GAREM1: variants seen among roughly 807,000 people sequenced by gnomAD.
The protein encoded by GAREM1 is GRB2 associated regulator of MAPK1 subtype 1.
Under a neutral mutation model 71.3 loss-of-function variants are expected in GAREM1, and 26 were observed. The ratio of observed to expected loss-of-function variants is 0.36; its 90% CI spans 0.27 to 0.51. The LOEUF is 0.51. GAREM1 is among the 20% of genes least tolerant of loss of function. The pLI is 0.95. For synonymous variants in GAREM1, 440 were observed against 433.2 expected (o/e 1.02, Z -0.20); for missense variants, 1,026 against 1,103.1 (o/e 0.93, Z 0.99).
At chr18:32,398,310 A>C (rs966339926) in intron 1 of GAREM1, among the ~76,000 whole-genome samples, 3 of 152,214 alleles carry the variant, frequency 2.0e-5, no homozygotes, top group African/African-American at 7.2e-5. Context: ...GAAATAACTA[A>C]GATCAGAACA....
chr18:32,385,551 A>G (rs2048138544), intron 2 of GAREM1, among the ~76,000 whole-genome samples: 1 of 152,130 alleles, frequency 6.6e-6, no homozygotes, highest in African/African-American at 2.4e-5. Flanking sequence ...GATGACTTGT[A>G]AATCTGAAAA....
At chr18:32,330,014 C>A (rs1237349273) in intron 2 of GAREM1, among the ~76,000 whole-genome samples, 1 of 151,914 alleles carries the variant, frequency 6.6e-6, no homozygotes, top group Non-Finnish European at 1.5e-5. Context: ...AGATTTTTGA[C>A]AAAAAGAAAA....
intron 1 of GAREM1, among the ~76,000 whole-genome samples, chr18:32,430,849 C>A (rs1419580584): frequency 1.3e-5 from 2 of 152,110 alleles, no homozygotes; most frequent in African/African-American, 4.8e-5. Context: ...GCCACTTGGC[C>A]CTGTAAATGC....
intron 2 of GAREM1, among the ~76,000 whole-genome samples, chr18:32,331,261 C>T (rs371515699): frequency 6.6e-6 from 1 of 152,300 alleles, no homozygotes; most frequent in South Asian, 2.1e-4. Flanking sequence ...GGGAACCTCA[C>T]AACTGGTGTC....
intron 1 of GAREM1, among the ~76,000 whole-genome samples, chr18:32,439,021 T>C (rs1365119226): frequency 6.6e-6 from 1 of 152,158 alleles, no homozygotes; most frequent in Non-Finnish European, 1.5e-5. Context: ...GGGCGTGGTA[T>C]ATACTGATCC....
intron 3 of GAREM1, among the ~76,000 whole-genome samples, chr18:32,289,000 T>C (rs529309774): frequency 1.6e-4 from 25 of 152,348 alleles, no homozygotes; most frequent in Admixed American, 7.8e-4. Context: ...CAATGAACTT[T>C]TTTACAGCTC....
chr18:32,290,655 A>G (rs2047072328), intron 3 of GAREM1, among the ~76,000 whole-genome samples: 3 of 151,522 alleles, frequency 2.0e-5, no homozygotes, highest in East Asian at 1.9e-4. Flanking sequence ...AAAAAAAAAA[A>G]AAAAAGAAAA....
At chr18:32,423,256 T>G (rs1373875881) in intron 1 of GAREM1, among the ~76,000 whole-genome samples, 1 of 152,196 alleles carries the variant, frequency 6.6e-6, no homozygotes, top group Non-Finnish European at 1.5e-5. Flanking sequence ...GAAACTGTTA[T>G]GAGGATTAAA....
chr18:32,448,892 A>G (rs1387794869), intron 1 of GAREM1, among the ~76,000 whole-genome samples: 1 of 152,126 alleles, frequency 6.6e-6, no homozygotes, highest in African/African-American at 2.4e-5. Context: ...CAGGGCCCTC[A>G]TGGTTCTTTT....
Position 32,288,053 on chromosome 18 carries a change from C to T in GAREM1, c.544G>A (p.Gly182Arg), listed in dbSNP as rs1213043436. 1 of 1,614,064 alleles carries T rather than the reference C, an allele frequency of 6.2e-7. No homozygotes were observed. Among genetic ancestry groups the T allele is most frequent in the African/African-American group, 1.3e-5 (1 of 74,988 alleles). ...SRLNTIFKKI[G>R]KLNSISKLGK... Reference sequence around the variant, plus strand: ...AGCTTGCTGATGGAATTGAGCTTCCCAATCTTTTTGAAGATTGTGTTGAGT... The same window carrying T: ...AGCTTGCTGATGGAATTGAGCTTCCTAATCTTTTTGAAGATTGTGTTGAGT... The change falls in exon 4 of 6, where the codon GGG becomes AGG. Residue 182 changes from glycine (G) to arginine (R), a missense_variant. Around this residue, in one of 3 missense-constraint regions of GAREM1, gnomAD observed 218 missense variants for 296.8 expected, o/e 0.73. Transcript: ENST00000269209.
chr18:32,396,983 G>A (rs1567994540), intron 1 of GAREM1, among the ~76,000 whole-genome samples: 1 of 152,202 alleles, frequency 6.6e-6, no homozygotes, highest in African/African-American at 2.4e-5. Context: ...CAAGCCAGAA[G>A]AGAGTGGGGG....
Position 32,305,976 on chromosome 18 carries a change from GA to G in GAREM1, c.393+4216del, listed in dbSNP as rs546465723. Among the ~76,000 whole-genome samples the G allele has an allele frequency of 2.0e-5, 3 of 152,254 alleles. No homozygotes were observed. The South Asian group carries it at 6.2e-4, about 32-fold the overall frequency. ...ACTCTATACCTGCATCGAGGGAGCC[GA>G]AAATGGCTGGAAGAAAGGGTAGTGC... On this transcript the variant is annotated intron_variant, in intron 3 of 5. Transcript: ENST00000269209.
intron 2 of GAREM1, among the ~76,000 whole-genome samples, chr18:32,342,866 T>TCTAG (rs2047660454): frequency 6.6e-6 from 1 of 152,230 alleles, no homozygotes; most frequent in South Asian, 2.1e-4. Context: ...ACCGACCCAC[T>TCTAG]CTAGCCACAG....
At position 32,302,441 on chromosome 18, in the gene GAREM1, C is replaced by T. The variant is rs77559552; in HGVS notation, c.393+7752G>A. Among the ~76,000 whole-genome samples, 292 of 152,254 alleles carry T rather than the reference C, an allele frequency of 1.9e-3. 10 individuals are homozygous for T. In the East Asian group the frequency reaches 0.045, roughly 24 times the overall value. On this transcript the variant is annotated intron_variant, in intron 3 of 5. Coordinates refer to ENST00000269209, the MANE Select transcript of GAREM1 (RefSeq NM_001242409.2). ...GTATTGCAAGGCTCTAGTTTTTTCA[C>T]TTAATTTCTCTGAAACTTATATGAT... is the stretch of plus-strand genomic sequence containing the variant.
intron 2 of GAREM1, among the ~76,000 whole-genome samples, chr18:32,381,404 T>C (rs1002858595): frequency 6.6e-6 from 1 of 152,218 alleles, no homozygotes; most frequent in Non-Finnish European, 1.5e-5. Flanking sequence ...CAAAAGCAAG[T>C]GCCTGTGCTA....
intron 2 of GAREM1, among the ~76,000 whole-genome samples, chr18:32,356,758 T>C (rs965364627): frequency 6.6e-6 from 1 of 152,078 alleles, no homozygotes; most frequent in African/African-American, 2.4e-5. Context: ...ACAAGAGAAA[T>C]GGGATTCAAA....
At chr18:32,279,101 T>C (rs2041579902) in intron 4 of GAREM1, among the ~76,000 whole-genome samples, 1 of 152,236 alleles carries the variant, frequency 6.6e-6, no homozygotes. Flanking sequence ...AATAAAGATC[T>C]TTCCTGAGCA....
intron 1 of GAREM1, among the ~76,000 whole-genome samples, chr18:32,423,178 G>A (rs1351262738): frequency 1.3e-5 from 2 of 152,198 alleles, no homozygotes; most frequent in Admixed American, 6.5e-5. Flanking sequence ...GACACTAGCT[G>A]TGTGCTCCTG....
intron 2 of GAREM1, among the ~76,000 whole-genome samples, chr18:32,314,324 T>A (rs898777926): frequency 6.6e-6 from 1 of 152,164 alleles, no homozygotes; most frequent in African/African-American, 2.4e-5. Context: ...GTTTTTCCAT[T>A]CTTACATGAT....
Sources: gnomAD v4.1 joint callset for allele counts (sites outside exome capture counted in the v4.1 genomes callset) on GRCh38, gnomAD v4.1.1 for gene constraint, gnomAD v4.1.1 regional missense constraint, MANE v1.5 for transcripts, NCBI Gene and HGNC (gene_info 2026-07-23, HGNC 2026-07-21) for gene names.